CIT: variants seen among roughly 807,000 people sequenced by gnomAD.
CIT encodes the protein citron rho-interacting serine/threonine kinase, also known as citron Rho-interacting kinase.
A neutral mutation model predicts 272.7 loss-of-function variants in CIT; 79 were observed. The observed-to-expected ratio is 0.29, with a 90% CI of 0.24 to 0.35. The LOEUF (loss-of-function observed/expected upper bound fraction) is 0.35, where lower values mean the gene tolerates loss of function less well. CIT is among the 10% of genes least tolerant of loss of function. CIT has a pLI of 1.00. For missense variants in CIT, 1,909 were observed against 2,618.3 expected (o/e 0.73, Z 5.91); for synonymous variants, 948 against 995.6 (o/e 0.95, Z 0.90).
rs1318273722 is a variant in CIT, at chr12:119,850,148, C to G, written c.516+26G>C. The G allele has an allele frequency of 2.9e-6, 4 of 1,389,910 alleles. No individual in the cohort carries two copies. In the South Asian group the frequency reaches 4.6e-5, roughly 16 times the overall value. 86.1% of individuals were successfully genotyped at this position (1,389,910 alleles called of 1,614,324 possible). Reference sequence around the variant, plus strand: ...TGAGTGTCAGAGTGCTAGGCTAATTCCAGAGAGACAGATGTAAAGACTCAC... The same window carrying G: ...TGAGTGTCAGAGTGCTAGGCTAATTGCAGAGAGACAGATGTAAAGACTCAC... On this transcript the variant is annotated intron_variant, in intron 5 of 47. Coordinates refer to ENST00000392521, the MANE Select transcript of CIT (RefSeq NM_001206999.2).
chr12:119,838,914 G>A (rs1197487251), intron 5 of CIT, among the ~76,000 whole-genome samples: 1 of 152,164 alleles, frequency 6.6e-6, no homozygotes, highest in Admixed American at 6.5e-5. Context: ...CACAGGAGGA[G>A]GAAAGAGTCC....
intron 10 of CIT, among the ~76,000 whole-genome samples, chr12:119,790,002 C>T (rs1343950539): frequency 2.0e-5 from 3 of 152,000 alleles, no homozygotes; most frequent in African/African-American, 4.8e-5. Flanking sequence ...GGGTGAGCCA[C>T]TGCACCCGGC....
chr12:119,762,308 G>A (rs278142), intron 19 of CIT, among the ~76,000 whole-genome samples: 116,690 of 152,084 alleles, frequency 0.77, 45,181 homozygotes, highest in Middle Eastern at 0.88. Context: ...ATGAGAGAAA[G>A]GAAGAAGCTC....
At chr12:119,715,678 G>A (rs1038695728) in intron 32 of CIT, among the ~76,000 whole-genome samples, 15 of 152,072 alleles carry the variant, frequency 9.9e-5, no homozygotes, top group South Asian at 2.1e-4. Context: ...TTTAATGAGC[G>A]AACTGTACGG....
chr12:119,802,388 T>C (rs143820169), intron 10 of CIT, among the ~76,000 whole-genome samples: 3 of 152,316 alleles, frequency 2.0e-5, no homozygotes, highest in African/African-American at 7.2e-5. Flanking sequence ...CCTGGAAGCC[T>C]CGACCCTCTA....
intron 26 of CIT, among the ~76,000 whole-genome samples, chr12:119,731,681 A>G (rs1958454297): frequency 6.6e-6 from 1 of 151,656 alleles, no homozygotes; most frequent in Non-Finnish European, 1.5e-5. Context: ...GCTACTCTGC[A>G]AACTCAAATC....
At chr12:119,721,751 G>A (rs1593475475) in intron 28 of CIT, among the ~76,000 whole-genome samples, 1 of 152,170 alleles carries the variant, frequency 6.6e-6, no homozygotes, top group Admixed American at 6.5e-5. Flanking sequence ...GTACATTAAG[G>A]TGAGGATATT....
At chr12:119,756,020 G>T (rs1483824080) in intron 22 of CIT, among the ~76,000 whole-genome samples, 1 of 152,186 alleles carries the variant, frequency 6.6e-6, no homozygotes, top group Non-Finnish European at 1.5e-5. Flanking sequence ...TTTGACAGAT[G>T]CACAAATTGA....
chr12:119,755,190 A>G (rs1269255073), intron 22 of CIT, among the ~76,000 whole-genome samples: 1 of 152,192 alleles, frequency 6.6e-6, no homozygotes, highest in Non-Finnish European at 1.5e-5. Context: ...AGAAAAATAA[A>G]TAAATAAATA....
At chr12:119,715,558 G>A (rs1957413209) in intron 32 of CIT, among the ~76,000 whole-genome samples, 1 of 152,000 alleles carries the variant, frequency 6.6e-6, no homozygotes, top group South Asian at 2.1e-4. Context: ...GACTGATAAT[G>A]TGTATGGAGT....
At chr12:119,742,528 G>T in intron 23 of CIT, 64 bp from the exon 24 acceptor site, 6 of 1,251,344 alleles carry the variant, frequency 4.8e-6, no homozygotes. Context: ...CATGCTACGG[G>T]TCAAATATAG....
In CIT at chr12:119,690,978, C is replaced by T. The variant is rs1270501958; in HGVS notation, c.5883-524G>A. Among the ~76,000 whole-genome samples, 1 of 152,136 alleles carries T rather than the reference C, an allele frequency of 6.6e-6. No homozygotes were observed. The highest frequency in any genetic ancestry group is 1.5e-5 in the Non-Finnish European group (1 of 68,026). The stretch of plus-strand genomic sequence containing the variant: ...CACGAGGTCAGGAGATCGAGGCCAG[C>T]CTGGCCAACATGGTGAAACCCCGTC... On this transcript the variant is annotated intron_variant, in intron 46 of 47. Coordinates refer to ENST00000392521, the MANE Select transcript of CIT (RefSeq NM_001206999.2). This position sits in a 1 kb window ranked among gnomAD's most constrained non-coding sequence, Gnocchi z 6.0.
intron 23 of CIT, among the ~76,000 whole-genome samples, chr12:119,748,949 G>A (rs1233368092): frequency 6.6e-6 from 1 of 152,210 alleles, no homozygotes; most frequent in African/African-American, 2.4e-5. Context: ...CCTTGAGATG[G>A]AGTCTTAAAT....
intron 1 of CIT, among the ~76,000 whole-genome samples, chr12:119,876,812 C>T (rs1008140109): frequency 1.2e-4 from 19 of 152,166 alleles, no homozygotes; most frequent in African/African-American, 4.1e-4. Context: ...GCCAGACGGA[C>T]TGGAGCAGAG....
At chr12:119,737,260 T>C (rs1958817953) in intron 24 of CIT, among the ~76,000 whole-genome samples, 2 of 114,658 alleles carry the variant, frequency 1.7e-5, no homozygotes, top group South Asian at 6.1e-4. Context: ...TGAGCCACAA[T>C]TGCGCCACTG....
rs368956487 is a variant in CIT at position 119,690,474 on chromosome 12, G to A, written c.5883-20C>T. On this transcript the variant is annotated intron_variant, in intron 46 of 47. Coordinates refer to ENST00000392521, the MANE Select transcript of CIT (RefSeq NM_001206999.2). This position sits in a 1 kb window ranked among gnomAD's most constrained non-coding sequence, Gnocchi z 6.0. ...GGGCTGCTGGCGACACAAGAGGAAC[G>A]TAGGGAGCTGCGAGGCCACAACCCC... 6.4e-6 allele frequency: 10 copies of A among 1,556,434 alleles called. No homozygotes were observed. The South Asian group carries it at 9.5e-5, about 15-fold the overall frequency.
chr12:119,764,061 ATTAAC>A (rs935625728), intron 19 of CIT, among the ~76,000 whole-genome samples: 2 of 152,236 alleles, frequency 1.3e-5, no homozygotes, highest in African/African-American at 4.8e-5. Flanking sequence ...ACTGAAACAA[ATTAAC>A]TTAAGTTTCA....
chr12:119,752,669 ATTTAT>A (rs1308377140), intron 22 of CIT, among the ~76,000 whole-genome samples: 1 of 152,232 alleles, frequency 6.6e-6, no homozygotes, highest in Non-Finnish European at 1.5e-5. Context: ...ACTGAATTCT[ATTTAT>A]TTTAAACACG....
chr12:119,866,976 G>C lies in CIT; in HGVS notation c.238+2084C>G, dbSNP rs186104090. On this transcript the variant is annotated intron_variant, in intron 3 of 47. Coordinates refer to ENST00000392521, the MANE Select transcript of CIT (RefSeq NM_001206999.2). ...TCTGATTTGGAGACCACATAGAGGT[G>C]CCATGTGGACAGCAAAAGGCCCTGA... 1.1e-3 allele frequency among the ~76,000 whole-genome samples: 174 copies of C among 152,214 alleles called. 1 individual carries two copies. Among genetic ancestry groups the C allele is most frequent in the Admixed American group, 2.6e-3 (39 of 15,282 alleles).
Sources: allele counts gnomAD v4.1 joint callset (sites outside exome capture counted in the v4.1 genomes callset), GRCh38; gene constraint gnomAD v4.1.1; non-coding constraint Gnocchi (gnomAD v3.1); transcripts MANE v1.5; gene names NCBI Gene and HGNC (gene_info 2026-07-23, HGNC 2026-07-21).